The following DNMT3A variants were observed in gnomAD, a reference collection of about 807,000 sequenced individuals.
The protein encoded by DNMT3A is DNA (cytosine-5)-methyltransferase 3A.
DNMT3A carries 267 observed loss-of-function variants against 117.6 expected under a neutral mutation model. The ratio of observed to expected loss-of-function variants is 2.27; its 90% CI spans 2.05 to 2.51. The LOEUF (loss-of-function observed/expected upper bound fraction) is 2.51, where lower values mean the gene tolerates loss of function less well. Among genes scored for constraint, DNMT3A ranks in the 30% most tolerant of loss-of-function variants. The pLI is 0.00. For missense variants in DNMT3A, 1,029 were observed against 1,260.2 expected, an observed-to-expected ratio of 0.82 and a Z score of 2.78; for synonymous variants, 432 against 474.8, an observed-to-expected ratio of 0.91 and a Z score of 1.17.
intron 3 of DNMT3A, among the ~76,000 whole-genome samples, chr2:25,295,178 C>T (rs949832404): frequency 1.3e-5 from 2 of 152,190 alleles, no homozygotes; most frequent in African/African-American, 4.8e-5. Context: ...GACACCCACA[C>T]TTGTCACCCT....
chr2:25,320,882 A>T (rs1482468542), intron 1 of DNMT3A, among the ~76,000 whole-genome samples: 2 of 152,210 alleles, frequency 1.3e-5, no homozygotes, highest in East Asian at 1.9e-4. Context: ...CTGTAATCCC[A>T]GCACTTTGGG....
At chr2:25,309,606 C>T (rs2033989199) in intron 2 of DNMT3A, among the ~76,000 whole-genome samples, 1 of 152,172 alleles carries the variant, frequency 6.6e-6, no homozygotes, top group African/African-American at 2.4e-5. Flanking sequence ...GCCTAAGGAG[C>T]GCAGAAGCCA....
rs923126010 is a variant in DNMT3A at position 25,281,537 on chromosome 2, A to G, written c.448+904T>C. 1 of 1,060,630 alleles carries G rather than the reference A, an allele frequency of 9.4e-7. No individual in the cohort carries two copies. The highest frequency in any genetic ancestry group is 1.6e-5 in the African/African-American group (1 of 60,820). 65.7% of individuals were successfully genotyped at this position (1,060,630 alleles called of 1,614,324 possible). A position where few individuals can be genotyped will look rare whatever the true frequency, so the allele number is the denominator to read the frequency against. On this transcript the variant is annotated intron_variant, in intron 4 of 22. Transcript: ENST00000321117. The surrounding 1 kb of genome is among the most constrained non-coding windows in gnomAD (Gnocchi z 4.8). ...CCATGCAAAATAAGTTACGCCAATT[A>G]ATCAATTTACTCATTTCATCATACA... is the stretch of plus-strand genomic sequence containing the variant.
chr2:25,302,501 G>A (rs1367985744), intron 2 of DNMT3A, among the ~76,000 whole-genome samples: 2 of 152,356 alleles, frequency 1.3e-5, no homozygotes, highest in East Asian at 3.9e-4. Flanking sequence ...GGCCAGCCCC[G>A]AGGCCGGAGA....
chr2:25,234,524 G>GA lies in DNMT3A; in HGVS notation c.2598-105dup, dbSNP rs1403975842. On this transcript the variant is annotated intron_variant, in intron 22 of 22. Coordinates refer to ENST00000321117, the MANE Select transcript of DNMT3A (RefSeq NM_022552.5). The surrounding 1 kb of genome is among the most constrained non-coding windows in gnomAD (Gnocchi z 4.5). ...GGACCCGGAGGACCAGCAGCCACCCGAAGTGCAGGGACAGGGGCACTCACA... is the reference window on the plus strand; with the variant it reads ...GGACCCGGAGGACCAGCAGCCACCCGAAAGTGCAGGGACAGGGGCACTCACA... 9 of 1,354,708 alleles carry GA rather than the reference G, an allele frequency of 6.6e-6. No individual in the cohort carries two copies. In the Admixed American group the frequency reaches 2.0e-4, roughly 31 times the overall value. The allele number at this position is 1,354,708 out of a possible 1,614,324, so 83.9% of individuals were successfully genotyped here.
In DNMT3A at chr2:25,252,066, G is replaced by T; in HGVS notation, c.640-3814C>A. 2 of 1,265,318 alleles carry T rather than the reference G, an allele frequency of 1.6e-6. No homozygotes were observed. The highest frequency in any genetic ancestry group is 2.2e-6 in the Non-Finnish European group (2 of 928,514). The allele number at this position is 1,265,318 out of a possible 1,614,324, so 78.4% of individuals were successfully genotyped here. Reference sequence around the variant, plus strand: ...TCCAGAACTCGGGCCAGGCCGGGACGCCGCGGCTGCTGCGGGCCGGGGAGG... The same window carrying T: ...TCCAGAACTCGGGCCAGGCCGGGACTCCGCGGCTGCTGCGGGCCGGGGAGG... On this transcript the variant is annotated intron_variant, in intron 6 of 22. Coordinates refer to ENST00000321117, the MANE Select transcript of DNMT3A (RefSeq NM_022552.5). The surrounding 1 kb of genome is among the most constrained non-coding windows in gnomAD (Gnocchi z 5.5).
rs1674979548 is a variant in DNMT3A, at chr2:25,247,665, A to AC, written c.939dup (p.Trp314ValfsTer10). Reference sequence around the variant, plus strand: ...GCTGCTCGGCTCCGGCCCGTCATCCACCAAGACACAATGCGGCCTGGCCAC... The same window carrying AC: ...GCTGCTCGGCTCCGGCCCGTCATCCACCCAAGACACAATGCGGCCTGGCCAC... On this transcript the variant is annotated frameshift_variant, in exon 8 of 23. Transcript: ENST00000321117. LOFTEE classifies it high-confidence loss of function. The surrounding 1 kb of genome is among the most constrained non-coding windows in gnomAD (Gnocchi z 5.6). The AC allele has an allele frequency of 6.2e-7, 1 of 1,613,666 alleles. No homozygotes were observed. The highest frequency in any genetic ancestry group is 1.7e-5 in the Admixed American group (1 of 59,982).
Position 25,257,716 on chromosome 2 carries a change from A to G in DNMT3A, c.640-9464T>C, listed in dbSNP as rs946847266. ...ACTTTGGTTTAATTGCATCTGGATC[A>G]CCCAAGGAGGGCTTTAAAAATACAG... On this transcript the variant is annotated intron_variant, in intron 6 of 22. Coordinates refer to ENST00000321117, the MANE Select transcript of DNMT3A (RefSeq NM_022552.5). This position sits in a 1 kb window ranked among gnomAD's most constrained non-coding sequence, Gnocchi z 4.8. Among the ~76,000 whole-genome samples, 19 of 152,238 alleles carry G rather than the reference A, an allele frequency of 1.2e-4. No homozygotes were observed. In the South Asian group the frequency reaches 1.4e-3, roughly 12 times the overall value.
At position 25,245,454 on chromosome 2, in the gene DNMT3A, G is replaced by A; in HGVS notation, c.1475-122C>T. 5 of 836,198 alleles carry A rather than the reference G, an allele frequency of 6.0e-6. 1 individual carries two copies. The highest frequency in any genetic ancestry group is 4.9e-5 in the South Asian group (3 of 60,902). 51.8% of individuals were successfully genotyped at this position (836,198 alleles called of 1,614,324 possible). On this transcript the variant is annotated intron_variant, in intron 12 of 22. Coordinates refer to ENST00000321117, the MANE Select transcript of DNMT3A (RefSeq NM_022552.5). ...GTGCCAGAGCGGCAGCCAGAAAAGA[G>A]TCCAGGGTGCCCCACGGAAAAGGGA...
chr2:25,244,051 C>G lies in DNMT3A; in HGVS notation c.1852-69G>C, dbSNP rs1263903212. The G allele has an allele frequency of 1.9e-6, 3 of 1,574,728 alleles. No homozygotes were observed. In the African/African-American group the frequency reaches 4.1e-5, roughly 21 times the overall value. On this transcript the variant is annotated intron_variant, in intron 15 of 22. Coordinates refer to ENST00000321117, the MANE Select transcript of DNMT3A (RefSeq NM_022552.5). ...CCCAAGCTCCCACCCAGCGCTGGCC[C>G]TCCAGCCAGGCTCCTAGACCCACAC...
rs181901417 is a variant in DNMT3A at position 25,277,245 on chromosome 2, T to C, written c.449-1702A>G. On this transcript the variant is annotated intron_variant, in intron 4 of 22. Coordinates refer to ENST00000321117, the MANE Select transcript of DNMT3A (RefSeq NM_022552.5). ...CCCATCTTGTCTGGCTCTGCCTCCC[T>C]GTTTCCTTTCCGTCCTCTCTCCCAC... Among the ~76,000 whole-genome samples the C allele has an allele frequency of 4.2e-3, 639 of 152,306 alleles. 5 individuals carry two copies. The highest frequency in any genetic ancestry group is 0.014 in the African/African-American group (583 of 41,580).
Position 25,246,676 on chromosome 2 carries a change from T to TC in DNMT3A, c.1222dup (p.Glu408GlyfsTer13). ...AGGCTGGAAGCCCCCCAGGGCCCAT[T>TC]CAATCATGGGCTTGTTCTGCACCTC... On this transcript the variant is annotated frameshift_variant, in exon 10 of 23. Transcript: ENST00000321117. LOFTEE classifies it high-confidence loss of function. The TC allele has an allele frequency of 6.2e-7, 1 of 1,613,678 alleles. No homozygotes were observed. Among genetic ancestry groups the TC allele is most frequent in the Non-Finnish European group, 8.5e-7 (1 of 1,180,000 alleles).
Position 25,311,239 on chromosome 2 carries a change from T to C in DNMT3A, c.72+2674A>G, listed in dbSNP as rs1056646107. On this transcript the variant is annotated intron_variant, in intron 2 of 22. Coordinates refer to ENST00000321117, the MANE Select transcript of DNMT3A (RefSeq NM_022552.5). The surrounding 1 kb of genome is among the most constrained non-coding windows in gnomAD (Gnocchi z 5.2). ...CCCTTCCATCTGGCTTGCCAAACAG[T>C]TCCTTTGTGCACAGTGCCCCTGGCA... Among the ~76,000 whole-genome samples, 5 of 152,152 alleles carry C rather than the reference T, an allele frequency of 3.3e-5. No individual in the cohort carries two copies. The highest frequency in any genetic ancestry group is 6.5e-5 in the Admixed American group (1 of 15,286).
At position 25,254,567 on chromosome 2, in the gene DNMT3A, G is replaced by A. The variant is rs1675953994; in HGVS notation, c.640-6315C>T. Among the ~76,000 whole-genome samples, 1 of 152,038 alleles carries A rather than the reference G, an allele frequency of 6.6e-6. No individual in the cohort carries two copies. Among genetic ancestry groups the A allele is most frequent in the South Asian group, 2.1e-4 (1 of 4,824 alleles). On this transcript the variant is annotated intron_variant, in intron 6 of 22. Coordinates refer to ENST00000321117, the MANE Select transcript of DNMT3A (RefSeq NM_022552.5). This position sits in a 1 kb window ranked among gnomAD's most constrained non-coding sequence, Gnocchi z 4.7. ...GTATTTGCCTGGTACACATTTCCAG[G>A]GGCTCCCCAAGCAGAAGTGAGAAGC...
In DNMT3A at chr2:25,311,929, C is replaced by T. The variant is rs951102099; in HGVS notation, c.72+1984G>A. On this transcript the variant is annotated intron_variant, in intron 2 of 22. Coordinates refer to ENST00000321117, the MANE Select transcript of DNMT3A (RefSeq NM_022552.5). This position sits in a 1 kb window ranked among gnomAD's most constrained non-coding sequence, Gnocchi z 5.2. ...ATTATAATGCAGATCCTGACCTGCT[C>T]CCGTCCATTGGTGGTGGCCTGGGGC... 1.3e-5 allele frequency among the ~76,000 whole-genome samples: 2 copies of T among 152,158 alleles called. No homozygotes were observed. Among genetic ancestry groups the T allele is most frequent in the African/African-American group, 4.8e-5 (2 of 41,440 alleles).
chr2:25,272,011 G>C (rs1197932615), intron 6 of DNMT3A, among the ~76,000 whole-genome samples: 1 of 152,176 alleles, frequency 6.6e-6, no homozygotes, highest in East Asian at 1.9e-4. Context: ...TTTTGAGACA[G>C]AGTCTCGTTC....
At chr2:25,303,895 T>G (rs1370612598) in intron 2 of DNMT3A, among the ~76,000 whole-genome samples, 1 of 152,202 alleles carries the variant, frequency 6.6e-6, no homozygotes, top group Admixed American at 6.5e-5. Flanking sequence ...TAGCAAGTGG[T>G]TCATTCTCGC....
chr2:25,327,220 G>A lies in DNMT3A; in HGVS notation c.-177-13059C>T, dbSNP rs555492498. On this transcript the variant is annotated intron_variant, in intron 1 of 22. Coordinates refer to ENST00000321117, the MANE Select transcript of DNMT3A (RefSeq NM_022552.5). This position sits in a 1 kb window ranked among gnomAD's most constrained non-coding sequence, Gnocchi z 4.1. ...ATTCCTCATTATTCCAATCCAATTA[G>A]AGTTAATAATTCGTTATGTGAAACT... Among the ~76,000 whole-genome samples the A allele has an allele frequency of 6.6e-6, 1 of 152,264 alleles. No homozygotes were observed. Among genetic ancestry groups the A allele is most frequent in the Admixed American group, 6.5e-5 (1 of 15,308 alleles).
At chr2:25,314,318 C>T in intron 1 of DNMT3A, 157 bp from the exon 2 acceptor site, 3 of 985,326 alleles carry the variant, frequency 3.0e-6, no homozygotes, top group Non-Finnish European at 3.6e-6. Flanking sequence ...GAGGCAGGCT[C>T]CCTTCAGGGC....
Sources: gnomAD v4.1 joint callset for allele counts (sites outside exome capture counted in the v4.1 genomes callset) on GRCh38, gnomAD v4.1.1 for gene constraint, Gnocchi (gnomAD v3.1) non-coding constraint, MANE v1.5 for transcripts, NCBI Gene and HGNC (gene_info 2026-07-23, HGNC 2026-07-21) for gene names.